CTNNA3: variants seen among roughly 807,000 people sequenced by gnomAD.
CTNNA3 encodes catenin alpha-3.
A neutral mutation model predicts 95.7 loss-of-function variants in CTNNA3; 76 were observed. The ratio of observed to expected loss-of-function variants is 0.79; its 90% CI spans 0.66 to 0.96. The LOEUF is 0.96. Among genes scored for constraint, CTNNA3 ranks in the 40% least tolerant of loss-of-function variants. CTNNA3 has a pLI of 0.00. For synonymous variants in CTNNA3, 431 were observed against 374.4 expected, an observed-to-expected ratio of 1.15 and a Z score of -1.74; for missense variants, 1,191 against 1,089.8, an observed-to-expected ratio of 1.09 and a Z score of -1.31.
chr10:67,635,357 T>G (rs925263844), intron 2 of CTNNA3, among the ~76,000 whole-genome samples: 3 of 152,072 alleles, frequency 2.0e-5, no homozygotes, highest in Non-Finnish European at 4.4e-5. Context: ...CTGGCAGAGA[T>G]ACAACCAAAC....
intron 7 of CTNNA3, among the ~76,000 whole-genome samples, chr10:67,024,784 T>A (rs1483478860): frequency 6.6e-6 from 1 of 152,160 alleles, no homozygotes; most frequent in Non-Finnish European, 1.5e-5. Flanking sequence ...TTGCTTTAAA[T>A]ATTTTAACTT....
intron 13 of CTNNA3, among the ~76,000 whole-genome samples, chr10:66,129,150 G>A (rs1168277948): frequency 1.3e-5 from 2 of 152,170 alleles, no homozygotes; most frequent in Non-Finnish European, 1.5e-5. Flanking sequence ...TGTAATCCCA[G>A]CTACTCGGGA....
chr10:67,509,757 G>T (rs2133125481), intron 5 of CTNNA3, among the ~76,000 whole-genome samples: 2 of 152,292 alleles, frequency 1.3e-5, no homozygotes. Flanking sequence ...GACCCTTGAG[G>T]AATTGCCACA....
chr10:66,510,517 T>A (rs1258362576), intron 11 of CTNNA3, among the ~76,000 whole-genome samples: 1 of 151,718 alleles, frequency 6.6e-6, no homozygotes, highest in Non-Finnish European at 1.5e-5. Flanking sequence ...TTCAGTATAA[T>A]GTTAGCCATG....
At chr10:66,540,180 G>T (rs576535310) in intron 10 of CTNNA3, among the ~76,000 whole-genome samples, 22 of 152,066 alleles carry the variant, frequency 1.4e-4, no homozygotes, top group Non-Finnish European at 2.6e-4. Flanking sequence ...AGGATGGCAG[G>T]ACATTTTATA....
intron 17 of CTNNA3, among the ~76,000 whole-genome samples, chr10:65,936,189 C>T (rs2077334599): frequency 1.3e-5 from 2 of 152,040 alleles, no homozygotes; most frequent in South Asian, 4.1e-4. Context: ...TCTTCAAATC[C>T]AAATTTAATA....
chr10:66,737,868 A>G (rs1466954326), intron 9 of CTNNA3, among the ~76,000 whole-genome samples: 1 of 152,082 alleles, frequency 6.6e-6, no homozygotes, highest in African/African-American at 2.4e-5. Flanking sequence ...CATGTTGGCC[A>G]GGATAGTCTC....
rs776927402 is a variant in CTNNA3, at chr10:66,946,389, CT to C, written c.1048-170866del. Reference sequence around the variant, plus strand: ...GACATTTGTATAGTTTAAACAAAAACTTTTTTTGTTGGCATATAATATACAT... The same window carrying C: ...GACATTTGTATAGTTTAAACAAAAACTTTTTTGTTGGCATATAATATACAT... On this transcript the variant is annotated intron_variant, in intron 7 of 17. Coordinates refer to ENST00000433211, the MANE Select transcript of CTNNA3 (RefSeq NM_013266.4). Among the ~76,000 whole-genome samples, 116 of 152,198 alleles carry C rather than the reference CT, an allele frequency of 7.6e-4. 1 individual carries two copies. Among genetic ancestry groups the C allele is most frequent in the Non-Finnish European group, 1.3e-3 (88 of 67,984 alleles).
At chr10:66,806,756 ATGTG>A (rs57749652) in intron 7 of CTNNA3, among the ~76,000 whole-genome samples, 15,996 of 145,668 alleles carry the variant, frequency 0.11, 956 homozygotes, top group East Asian at 0.23. Flanking sequence ...TGTGGCATAT[ATGTG>A]TGTGTGTGTG....
intron 9 of CTNNA3, among the ~76,000 whole-genome samples, chr10:66,700,058 T>G (rs1482524095): frequency 6.6e-6 from 1 of 152,182 alleles, no homozygotes; most frequent in Non-Finnish European, 1.5e-5. Context: ...ATTAACTCCT[T>G]GTCAGATAGT....
chr10:66,252,232 C>A (rs553291940), intron 13 of CTNNA3, among the ~76,000 whole-genome samples: 1 of 152,020 alleles, frequency 6.6e-6, no homozygotes, highest in African/African-American at 2.4e-5. Flanking sequence ...GTTTTGTTTT[C>A]TTTTTCTTTT....
At chr10:67,074,567 G>C (rs910675499) in intron 7 of CTNNA3, among the ~76,000 whole-genome samples, 5 of 151,668 alleles carry the variant, frequency 3.3e-5, no homozygotes, top group Non-Finnish European at 7.4e-5. Flanking sequence ...AGCCAGGATG[G>C]TCTCGATCTC....
intron 15 of CTNNA3, among the ~76,000 whole-genome samples, chr10:65,989,128 A>G (rs2078487865): frequency 6.6e-6 from 1 of 152,016 alleles, no homozygotes; most frequent in Non-Finnish European, 1.5e-5. Flanking sequence ...TTTAGTAGAG[A>G]TGGGGTTTCA....
intron 16 of CTNNA3, among the ~76,000 whole-genome samples, chr10:65,984,863 T>G (rs2078395011): frequency 6.6e-6 from 1 of 151,246 alleles, no homozygotes; most frequent in Non-Finnish European, 1.5e-5. Flanking sequence ...CTCATAAAAG[T>G]GAATGCAATA....
At chr10:67,713,647 A>T (rs1020168857) in intron 1 of CTNNA3, among the ~76,000 whole-genome samples, 1 of 152,212 alleles carries the variant, frequency 6.6e-6, no homozygotes, top group African/African-American at 2.4e-5. Context: ...GACATGGATG[A>T]AGCTGGAAAC....
chr10:66,935,287 C>G (rs1395268074), intron 7 of CTNNA3, among the ~76,000 whole-genome samples: 2 of 152,012 alleles, frequency 1.3e-5, no homozygotes, highest in Non-Finnish European at 2.9e-5. Flanking sequence ...AAGATTACAA[C>G]AGTGAAACCT....
At chr10:66,920,806 C>A (rs1279226761) in intron 7 of CTNNA3, among the ~76,000 whole-genome samples, 1 of 152,186 alleles carries the variant, frequency 6.6e-6, no homozygotes, top group East Asian at 1.9e-4. Flanking sequence ...AATGAACCAT[C>A]TTTACTTTCC....
In CTNNA3 at chr10:67,240,914, T is replaced by C. The variant is rs116461525; in HGVS notation, c.580-21044A>G. Among the ~76,000 whole-genome samples the C allele has an allele frequency of 4.8e-3, 738 of 152,304 alleles. 7 individuals carry two copies. The highest frequency in any genetic ancestry group is 0.017 in the African/African-American group (702 of 41,556). ...TCCTGTTCATCTGAAGCAAATACAATATGTATTACATTTGTCTATTGTTTG... is the reference window on the plus strand; with the variant it reads ...TCCTGTTCATCTGAAGCAAATACAACATGTATTACATTTGTCTATTGTTTG... On this transcript the variant is annotated intron_variant, in intron 5 of 17. Coordinates refer to ENST00000433211, the MANE Select transcript of CTNNA3 (RefSeq NM_013266.4).
At chr10:67,650,804 A>C (rs77270131) in intron 1 of CTNNA3, among the ~76,000 whole-genome samples, 1 of 152,136 alleles carries the variant, frequency 6.6e-6, no homozygotes, top group African/African-American at 2.4e-5. Flanking sequence ...AGCAAAGGAG[A>C]GGGATGATGG....
Sources: allele counts gnomAD v4.1 joint callset (sites outside exome capture counted in the v4.1 genomes callset), GRCh38; gene constraint gnomAD v4.1.1; transcripts MANE v1.5; gene names NCBI Gene and HGNC (gene_info 2026-07-23, HGNC 2026-07-21).